MON1B: variants seen among roughly 807,000 people sequenced by gnomAD.
MON1B encodes MON1 vesicular trafficking associated B.
In MON1B, 26 loss-of-function variants were observed where a neutral mutation model predicts 45.1. The ratio of observed to expected loss-of-function variants is 0.58; its 90% CI spans 0.42 to 0.80. The LOEUF (loss-of-function observed/expected upper bound fraction) is 0.80. Ranked by LOEUF, MON1B falls within the 30% of genes least tolerant of loss-of-function variation. The pLI is 0.00. For missense variants in MON1B, 737 were observed against 754.5 expected (o/e 0.98, Z 0.27); for synonymous variants, 395 against 320.2 (o/e 1.23, Z -2.49).
chr16:77,193,430 C>A lies in MON1B; in HGVS notation c.149-21C>A. 6.5e-7 allele frequency: 1 copy of A among 1,532,372 alleles called. No individual in the cohort carries two copies. Among genetic ancestry groups the A allele is most frequent in the Non-Finnish European group, 8.8e-7 (1 of 1,139,672 alleles). 94.9% of individuals were successfully genotyped at this position (1,532,372 alleles called of 1,614,324 possible). A position where few individuals can be genotyped will look rare whatever the true frequency, so the allele number is the denominator to read the frequency against. The stretch of plus-strand genomic sequence containing the variant: ...AGTTAGGAGTTCACATGCAGATGAC[C>A]CACCAGGGGCTCCCTTTCAGGATCC... On this transcript the variant is annotated intron_variant, in intron 2 of 5. Coordinates refer to ENST00000248248, the MANE Select transcript of MON1B (RefSeq NM_014940.4). This position sits in a 1 kb window ranked among gnomAD's most constrained non-coding sequence, Gnocchi z 5.0.
Position 77,200,291 on chromosome 16 carries a change from T to TATGTGTATATATATATATATATATATAC in MON1B, c.*1984_*1985insTGTGTATATATATATATATATATATACA. 3 of 111,422 alleles carry TATGTGTATATATATATATATATATATAC rather than the reference T, an allele frequency of 2.7e-5. No homozygotes were observed. Among genetic ancestry groups the TATGTGTATATATATATATATATATATAC allele is most frequent in the Non-Finnish European group, 3.8e-5 (2 of 52,210 alleles). 6.9% of individuals were successfully genotyped at this position (111,422 alleles called of 1,614,324 possible). On this transcript the variant is annotated 3_prime_UTR_variant, in exon 6 of 6. Transcript: ENST00000248248. Reference sequence around the variant, plus strand: ...ATATATGTGTATATATATATATATATACACACACTAATCAGCCGGGCGCGG... The same window carrying TATGTGTATATATATATATATATATATAC: ...ATATATGTGTATATATATATATATATATGTGTATATATATATATATATATATACACACACACTAATCAGCCGGGCGCGG...
Position 77,198,531 on chromosome 16 carries a change from C to T in MON1B, c.*223C>T, listed in dbSNP as rs2054692044. The T allele has an allele frequency of 3.4e-6, 2 of 581,018 alleles. No homozygotes were observed. Among genetic ancestry groups the T allele is most frequent in the Admixed American group, 3.0e-5 (1 of 32,992 alleles). The allele number at this position is 581,018 out of a possible 1,614,324, so 36.0% of individuals were successfully genotyped here. ...CATGCACCTCCCCCTCTGGGGAAATCCTTAGGCCTCCCTCTCCCTTCCCTC... is the reference window on the plus strand; with the variant it reads ...CATGCACCTCCCCCTCTGGGGAAATTCTTAGGCCTCCCTCTCCCTTCCCTC... On this transcript the variant is annotated 3_prime_UTR_variant, in exon 6 of 6. Coordinates refer to ENST00000248248, the MANE Select transcript of MON1B (RefSeq NM_014940.4).
chr16:77,196,251 G>T (rs927817913), intron 5 of MON1B, among the ~76,000 whole-genome samples: 5 of 150,640 alleles, frequency 3.3e-5, no homozygotes, highest in Non-Finnish European at 7.4e-5. Flanking sequence ...TTTATTGCGT[G>T]ACTGCTGTGG....
chr16:77,197,098 A>T (rs928825570), intron 5 of MON1B, among the ~76,000 whole-genome samples: 1 of 152,090 alleles, frequency 6.6e-6, no homozygotes, highest in African/African-American at 2.4e-5. Flanking sequence ...TATGGGCCAG[A>T]CACGGTGCCT....
Position 77,194,266 on chromosome 16 carries a change from G to A in MON1B, c.476-69G>A. The A allele has an allele frequency of 2.9e-6, 4 of 1,371,092 alleles. No homozygotes were observed. The highest frequency in any genetic ancestry group is 2.3e-5 in the East Asian group (1 of 43,768). The allele number at this position is 1,371,092 out of a possible 1,614,324, so 84.9% of individuals were successfully genotyped here. On this transcript the variant is annotated intron_variant, in intron 3 of 5. Transcript: ENST00000248248. The surrounding 1 kb of genome is among the most constrained non-coding windows in gnomAD (Gnocchi z 8.1). ...GTGTATGGTAGGAGAGGGCAGAAGAGCCCCACTGTCTCCCTCTGGTCATTC... is the reference window on the plus strand; with the variant it reads ...GTGTATGGTAGGAGAGGGCAGAAGAACCCCACTGTCTCCCTCTGGTCATTC...
Position 77,198,448 on chromosome 16 carries a change from C to A in MON1B, c.*140C>A, listed in dbSNP as rs1485572843. 1.1e-5 allele frequency: 10 copies of A among 924,248 alleles called. No individual in the cohort carries two copies. The highest frequency in any genetic ancestry group is 8.3e-5 in the African/African-American group (5 of 60,014). The allele number at this position is 924,248 out of a possible 1,614,324, so 57.3% of individuals were successfully genotyped here. ...AGCAATGGGGCAAGGTCTGAGGGCC[C>A]ACCGATGAGAGAGATGGTGGCAGCC... On this transcript the variant is annotated 3_prime_UTR_variant, in exon 6 of 6. Transcript: ENST00000248248.
chr16:77,197,293 G>A (rs1407047990), intron 5 of MON1B, among the ~76,000 whole-genome samples: 1 of 152,166 alleles, frequency 6.6e-6, no homozygotes, highest in Non-Finnish European at 1.5e-5. Context: ...CTACTCGGGA[G>A]GCTGAGGCAG....
In MON1B at chr16:77,195,697, G is replaced by T; in HGVS notation, c.1443+15G>T. 9 of 1,613,374 alleles carry T rather than the reference G, an allele frequency of 5.6e-6. No homozygotes were observed. Among genetic ancestry groups the T allele is most frequent in the Non-Finnish European group, 7.6e-6 (9 of 1,179,520 alleles). On this transcript the variant is annotated intron_variant, in intron 5 of 5. Transcript: ENST00000248248. ...TACTGGCCTGGGTAAGTTGGGCAGG[G>T]CTCTGAGTGAATTAATTCCCCACTT...
Position 77,199,616 on chromosome 16 carries a change from T to A in MON1B, c.*1308T>A, listed in dbSNP as rs572639117. The A allele has an allele frequency of 1.3e-4, 131 of 997,706 alleles. 2 individuals carry two copies. In the South Asian group the frequency reaches 1.7e-3, roughly 13 times the overall value. 61.8% of individuals were successfully genotyped at this position (997,706 alleles called of 1,614,324 possible). ...TGAAATAATGATATTCTAATTTTTTTAAATAAAATGTTAAGCCTTTTGTTA... is the reference window on the plus strand; with the variant it reads ...TGAAATAATGATATTCTAATTTTTTAAAATAAAATGTTAAGCCTTTTGTTA... On this transcript the variant is annotated 3_prime_UTR_variant, in exon 6 of 6. Transcript: ENST00000248248.
Position 77,199,289 on chromosome 16 carries a change from A to T in MON1B, c.*981A>T. 1.6e-6 allele frequency: 1 copy of T among 631,282 alleles called. No homozygotes were observed. The allele number at this position is 631,282 out of a possible 1,614,324, so 39.1% of individuals were successfully genotyped here. On this transcript the variant is annotated 3_prime_UTR_variant, in exon 6 of 6. Transcript: ENST00000248248. ...GGTTGTAGCATGTGTGCTGGCAATC[A>T]GGGCCGCAGTGTGTTCTGCGCCTGC... is the stretch of plus-strand genomic sequence containing the variant.
Position 77,191,634 on chromosome 16 carries a change from G to A in MON1B, c.148+1G>A. On this transcript the variant is annotated splice_donor_variant, in intron 2 of 5. Transcript: ENST00000248248. LOFTEE classifies it high-confidence loss of function. ...GAAGACGAGGGCCTGGAGGAAACAG[G>A]TATGACTCCACTTAGTGGGGTCTTA... is the stretch of plus-strand genomic sequence containing the variant. 1 of 1,610,808 alleles carries A rather than the reference G, an allele frequency of 6.2e-7. No individual in the cohort carries two copies. The highest frequency in any genetic ancestry group is 1.3e-5 in the African/African-American group (1 of 74,910).
chr16:77,194,342 C>A lies in MON1B; in HGVS notation c.483C>A (p.His161Gln). ...DAIRAIYAED[H>Q]KLVFLQQGPL... ...TACCCCTTCCTTCCCTAGAGGACCACAAGCTGGTGTTCCTACAACAGGGCC... is the reference window on the plus strand; with the variant it reads ...TACCCCTTCCTTCCCTAGAGGACCAAAAGCTGGTGTTCCTACAACAGGGCC... Residue 161 changes from histidine (H) to glutamine (Q), a missense_variant, in exon 4 of 6, where the codon CAC (histidine) becomes CAA (glutamine). Physicochemically the swap from His to Gln is conservative, Grantham distance 24 (BLOSUM62 0). Transcript: ENST00000248248. This position sits in a 1 kb window ranked among gnomAD's most constrained non-coding sequence, Gnocchi z 8.1. 1 of 1,605,080 alleles carries A rather than the reference C, an allele frequency of 6.2e-7. No homozygotes were observed.
chr16:77,193,384 G>C lies in MON1B; in HGVS notation c.149-67G>C. ...TGGAGGGGCTAGTAGATATTTGGTG[G>C]GTCCTTGGGGATGTGGGATTAGTTA... On this transcript the variant is annotated intron_variant, in intron 2 of 5. Coordinates refer to ENST00000248248, the MANE Select transcript of MON1B (RefSeq NM_014940.4). The surrounding 1 kb of genome is among the most constrained non-coding windows in gnomAD (Gnocchi z 5.0). 1 of 1,436,480 alleles carries C rather than the reference G, an allele frequency of 7.0e-7. No individual in the cohort carries two copies. The highest frequency in any genetic ancestry group is 1.8e-4 in the Middle Eastern group (1 of 5,448). 89.0% of individuals were successfully genotyped at this position (1,436,480 alleles called of 1,614,324 possible).
chr16:77,193,835 G>T lies in MON1B; in HGVS notation c.475+58G>T. On this transcript the variant is annotated intron_variant, in intron 3 of 5. Coordinates refer to ENST00000248248, the MANE Select transcript of MON1B (RefSeq NM_014940.4). This position sits in a 1 kb window ranked among gnomAD's most constrained non-coding sequence, Gnocchi z 5.0. ...CAGTGACTGGGAATATGGCTGGCAC[G>T]GGTAGGTCTGTCTGCCTCAGGCACT... 6.6e-7 allele frequency: 1 copy of T among 1,525,674 alleles called. No homozygotes were observed. The highest frequency in any genetic ancestry group is 1.2e-5 in the South Asian group (1 of 80,400). The allele number at this position is 1,525,674 out of a possible 1,614,324, so 94.5% of individuals were successfully genotyped here. A position where few individuals can be genotyped will look rare whatever the true frequency, so the allele number is the denominator to read the frequency against.
In MON1B at chr16:77,191,212, C is replaced by G; in HGVS notation, c.-57C>G. 6.5e-7 allele frequency: 1 copy of G among 1,536,248 alleles called. No homozygotes were observed. The highest frequency in any genetic ancestry group is 1.2e-5 in the South Asian group (1 of 84,058). ...CGGAAGTGTGATGCCACCGCCGCTA[C>G]GGGGAAGTAATGGTATCCGGCCAAT... On this transcript the variant is annotated 5_prime_UTR_variant, in exon 1 of 6. Coordinates refer to ENST00000248248, the MANE Select transcript of MON1B (RefSeq NM_014940.4).
intron 5 of MON1B, among the ~76,000 whole-genome samples, 156 bp from the exon 6 acceptor site, chr16:77,197,952 C>T (rs950518170): frequency 2.0e-5 from 3 of 152,268 alleles, no homozygotes; most frequent in African/African-American, 7.2e-5. Flanking sequence ...ATCAGCTTAC[C>T]TACCTTAGCC....
Position 77,200,512 on chromosome 16 carries a change from T to G in MON1B, c.*2204T>G, listed in dbSNP as rs2054727867. 1 of 150,818 alleles carries G rather than the reference T, an allele frequency of 6.6e-6. No homozygotes were observed. The allele number at this position is 150,818 out of a possible 1,614,324, so 9.3% of individuals were successfully genotyped here. On this transcript the variant is annotated 3_prime_UTR_variant, in exon 6 of 6. Transcript: ENST00000248248. ...GGCTTATGCCTGTAATCCCAGCACT[T>G]TGGAAGGCCGAGGCGGGTGGGTCAC...
In MON1B at chr16:77,195,730, C is replaced by A. The variant is rs2054659144; in HGVS notation, c.1443+48C>A. 3 of 1,604,468 alleles carry A rather than the reference C, an allele frequency of 1.9e-6. 1 individual carries two copies. The highest frequency in any genetic ancestry group is 3.3e-4 in the Middle Eastern group (2 of 6,008). On this transcript the variant is annotated intron_variant, in intron 5 of 5. Coordinates refer to ENST00000248248, the MANE Select transcript of MON1B (RefSeq NM_014940.4). ...TGAATTAATTCCCCACTTCAAGCCT[C>A]CTTTCCCTATATTGTATCCCCTCCA... is the stretch of plus-strand genomic sequence containing the variant.
At chr16:77,197,220 A>C (rs1461965000) in intron 5 of MON1B, among the ~76,000 whole-genome samples, 2 of 151,132 alleles carry the variant, frequency 1.3e-5, no homozygotes, top group Non-Finnish European at 3.0e-5. Context: ...ACAGGGTGGA[A>C]CCCCATCTCT....
Sources: allele counts gnomAD v4.1 joint callset (sites outside exome capture counted in the v4.1 genomes callset), GRCh38; gene constraint gnomAD v4.1.1; non-coding constraint Gnocchi (gnomAD v3.1); transcripts MANE v1.5; gene names NCBI Gene and HGNC (gene_info 2026-07-23, HGNC 2026-07-21).